The following IFT140 variants were observed in gnomAD, a reference collection of about 807,000 sequenced individuals.
IFT140 encodes the protein intraflagellar transport 140, also known as intraflagellar transport protein 140 homolog.
Under a neutral mutation model 164.6 loss-of-function variants are expected in IFT140, and 133 were observed. The ratio of observed to expected loss-of-function variants is 0.81; its 90% CI spans 0.70 to 0.93. The LOEUF (loss-of-function observed/expected upper bound fraction) is 0.93, where lower values mean the gene tolerates loss of function less well. Ranked by LOEUF, IFT140 falls within the 40% of genes least tolerant of loss-of-function variation. The pLI is 0.00. For missense variants in IFT140, 2,045 were observed against 1,972.3 expected (o/e 1.04, Z -0.70); for synonymous variants, 860 against 817.3 (o/e 1.05, Z -0.89).
chr16:1,609,281 C>T (rs1010897555), intron 2 of IFT140, among the ~76,000 whole-genome samples: 6 of 152,166 alleles, frequency 3.9e-5, no homozygotes, highest in Non-Finnish European at 8.8e-5. Context: ...TACATTAATA[C>T]GACACTGTGC....
At chr16:1,574,987 G>C (rs1352811474) in intron 13 of IFT140, among the ~76,000 whole-genome samples, 1 of 152,186 alleles carries the variant, frequency 6.6e-6, no homozygotes, top group African/African-American at 2.4e-5. Context: ...TGTCCAAGAA[G>C]GGTCATGAGG....
chr16:1,516,630 C>G (rs886200421), intron 30 of IFT140, among the ~76,000 whole-genome samples: 1 of 151,594 alleles, frequency 6.6e-6, no homozygotes, highest in Non-Finnish European at 1.5e-5. Context: ...ATTATCTGGG[C>G]GTGGTGGCGG....
intron 30 of IFT140, among the ~76,000 whole-genome samples, chr16:1,517,427 G>A (rs982766321): frequency 1.3e-5 from 2 of 150,924 alleles, no homozygotes; most frequent in African/African-American, 2.5e-5. Context: ...TTCACAGAAG[G>A]TGTGTAAATG....
chr16:1,572,092 C>T (rs969658871), intron 13 of IFT140, among the ~76,000 whole-genome samples: 11 of 152,018 alleles, frequency 7.2e-5, no homozygotes, highest in African/African-American at 2.4e-4. Flanking sequence ...GCCCCTGCAC[C>T]GTACGCTTAG....
chr16:1,549,655 C>T (rs1406508178), intron 19 of IFT140, among the ~76,000 whole-genome samples: 1 of 152,176 alleles, frequency 6.6e-6, no homozygotes, highest in Non-Finnish European at 1.5e-5. Flanking sequence ...TGGTCTCAAA[C>T]TCCTGACCTC....
At chr16:1,536,117 G>C (rs1478341182) in intron 19 of IFT140, among the ~76,000 whole-genome samples, 1 of 152,220 alleles carries the variant, frequency 6.6e-6, no homozygotes, top group Non-Finnish European at 1.5e-5. Flanking sequence ...GTTCCCAGCC[G>C]GCCCTTGGCC....
intron 19 of IFT140, chr16:1,528,723 C>T (rs2030100843): frequency 6.5e-6 from 1 of 152,958 alleles, no homozygotes; most frequent in Non-Finnish European, 1.5e-5. Flanking sequence ...GCAGCCTCCC[C>T]GCTGGCACGG....
intron 19 of IFT140, chr16:1,554,009 A>T: frequency 7.8e-7 from 1 of 1,287,232 alleles, no homozygotes; most frequent in South Asian, 1.2e-5. Context: ...AGGGTTGCTC[A>T]CGGCCCACCT....
chr16:1,592,573 A>G lies in IFT140; in HGVS notation c.385T>C (p.Leu129=). The change falls in exon 5 of 31, where the codon TTG becomes CTG. Residue 129 remains leucine (L), a synonymous_variant. Transcript: ENST00000426508. ...CGGCCCCTTTGGTCCAACCTCCACA[A>G]GAGCAAGACACCAAGCTGGAAAGAC... ...LSGDRLGVLL[L]WRLDQRGRVQ... 1 of 1,614,144 alleles carries G rather than the reference A, an allele frequency of 6.2e-7. No individual in the cohort carries two copies. Among genetic ancestry groups the G allele is most frequent in the Non-Finnish European group, 8.5e-7 (1 of 1,180,000 alleles).
intron 30 of IFT140, among the ~76,000 whole-genome samples, chr16:1,516,936 T>C (rs1373103708): frequency 1.3e-5 from 2 of 152,014 alleles, no homozygotes; most frequent in East Asian, 3.9e-4. Flanking sequence ...CTGGTAAACT[T>C]GAAGCAACAG....
At chr16:1,515,170 A>G (rs1451049363) in intron 30 of IFT140, among the ~76,000 whole-genome samples, 1 of 152,170 alleles carries the variant, frequency 6.6e-6, no homozygotes, top group Non-Finnish European at 1.5e-5. Context: ...ATTTGGCAAA[A>G]CACAAATATA....
Position 1,586,225 on chromosome 16 carries a change from CT to C in IFT140, c.1059del (p.Val354TyrfsTer42). 1 of 1,614,112 alleles carries C rather than the reference CT, an allele frequency of 6.2e-7. No individual in the cohort carries two copies. Among genetic ancestry groups the C allele is most frequent in the Non-Finnish European group, 8.5e-7 (1 of 1,179,998 alleles). On this transcript the variant is annotated frameshift_variant, in exon 10 of 31. Transcript: ENST00000426508. LOFTEE classifies it high-confidence loss of function. The stretch of plus-strand genomic sequence containing the variant: ...CCGGGGCTGCCCAGGAAGTCTGGTA[CT>C]TTCCTCCACATGGCTACTCGCCCTC... The part of the protein sequence containing the change: ...TDRGRVAMWR[K>X]VPDFLGSPGA...
intron 3 of IFT140, among the ~76,000 whole-genome samples, chr16:1,605,601 T>G (rs1192786558): frequency 6.6e-6 from 1 of 152,206 alleles, no homozygotes; most frequent in Non-Finnish European, 1.5e-5. Context: ...AGACGGGGTT[T>G]CACCGTGTTA....
intron 14 of IFT140, among the ~76,000 whole-genome samples, chr16:1,569,470 T>A: frequency 8.4e-6 from 1 of 118,832 alleles, no homozygotes; most frequent in East Asian, 2.9e-4. Flanking sequence ...CCTTCCCTTC[T>A]CTCCTTCCTT....
intron 13 of IFT140, among the ~76,000 whole-genome samples, chr16:1,575,833 C>A (rs572264015): frequency 1.2e-4 from 18 of 150,792 alleles, no homozygotes; most frequent in African/African-American, 3.9e-4. Context: ...CTCCCAGAAG[C>A]CCATTCACCC....
At chr16:1,524,378 C>T (rs1047562374) in intron 24 of IFT140, 174 bp downstream of exon 24, 33 of 749,686 alleles carry the variant, frequency 4.4e-5, no homozygotes, top group African/African-American at 9.3e-5. Context: ...CAGATGGAAG[C>T]GGCCAGGGGT....
Position 1,553,776 on chromosome 16 carries a change from C to T in IFT140, c.2399+4159G>A. 8.5e-7 allele frequency: 1 copy of T among 1,181,964 alleles called. No homozygotes were observed. Among genetic ancestry groups the T allele is most frequent in the Non-Finnish European group, 1.1e-6 (1 of 938,480 alleles). The allele number at this position is 1,181,964 out of a possible 1,614,324, so 73.2% of individuals were successfully genotyped here. A position where few individuals can be genotyped will look rare whatever the true frequency, so the allele number is the denominator to read the frequency against. On this transcript the variant is annotated intron_variant, in intron 19 of 30. Coordinates refer to ENST00000426508, the MANE Select transcript of IFT140 (RefSeq NM_014714.4). This position sits in a 1 kb window ranked among gnomAD's most constrained non-coding sequence, Gnocchi z 4.4. ...AGGAGGGGCAGGGCCATGTGGACAG[C>T]CTCTCCTCCATCCTAGAGCCTATGT...
chr16:1,574,448 T>C (rs902091079), intron 13 of IFT140, among the ~76,000 whole-genome samples: 2 of 151,818 alleles, frequency 1.3e-5, no homozygotes, highest in Non-Finnish European at 2.9e-5. Flanking sequence ...TGGCTAATAT[T>C]TTTGTATTTT....
chr16:1,592,586 A>G lies in IFT140; in HGVS notation c.372T>C (p.Leu124=), dbSNP rs572044788. The G allele has an allele frequency of 1.2e-6, 2 of 1,613,922 alleles. No individual in the cohort carries two copies. The highest frequency in any genetic ancestry group is 2.2e-5 in the East Asian group (1 of 44,882). Residue 124 remains leucine (L), a splice_region_variant and synonymous_variant, in exon 5 of 31, where the codon CTT becomes CTC. Transcript: ENST00000426508. Reference sequence around the variant, plus strand: ...CCAACCTCCACAAGAGCAAGACACCAAGCTGGAAAGACCCAACACCACGTG... The same window carrying G: ...CCAACCTCCACAAGAGCAAGACACCGAGCTGGAAAGACCCAACACCACGTG... ...SGNCLLSGDR[L]GVLLLWRLDQ...
Sources: gnomAD v4.1 joint callset for allele counts (sites outside exome capture counted in the v4.1 genomes callset) on GRCh38, gnomAD v4.1.1 for gene constraint, Gnocchi (gnomAD v3.1) non-coding constraint, MANE v1.5 for transcripts, NCBI Gene and HGNC (gene_info 2026-07-23, HGNC 2026-07-21) for gene names.